STXBP6: variants seen among roughly 807,000 people sequenced by gnomAD.
STXBP6 encodes syntaxin-binding protein 6.
In STXBP6, 21 loss-of-function variants were observed where a neutral mutation model predicts 26.9. The observed-to-expected ratio is 0.78, with a 90% CI of 0.55 to 1.12. The LOEUF is 1.12. Ranked by LOEUF, STXBP6 falls within the 50% of genes most tolerant of loss-of-function variation. The pLI, the probability that STXBP6 is intolerant of heterozygous loss-of-function variation, is 0.00. For missense variants in STXBP6, 232 were observed against 257.9 expected, an observed-to-expected ratio of 0.90 and a Z score of 0.69; for synonymous variants, 97 against 92.6, an observed-to-expected ratio of 1.05 and a Z score of -0.27.
chr14:25,046,454 GGT>G (rs1467040956), intron 1 of STXBP6, among the ~76,000 whole-genome samples: 19 of 152,238 alleles, frequency 1.2e-4, no homozygotes, highest in Non-Finnish European at 2.9e-5. Flanking sequence ...TTTACTGATA[GGT>G]TTCTCTAGTG....
chr14:24,872,625 T>A (rs972515733), intron 2 of STXBP6, among the ~76,000 whole-genome samples: 2 of 152,214 alleles, frequency 1.3e-5, no homozygotes, highest in African/African-American at 4.8e-5. Context: ...CTCTCCTATA[T>A]GTCTCTGCTA....
intron 1 of STXBP6, among the ~76,000 whole-genome samples, chr14:25,029,569 T>C (rs1358409873): frequency 6.6e-6 from 1 of 152,182 alleles, no homozygotes; most frequent in East Asian, 1.9e-4. Context: ...TTTATTGTTG[T>C]TGTCTGGAAC....
chr14:24,833,082 C>A (rs1433299756), intron 4 of STXBP6, among the ~76,000 whole-genome samples: 2 of 152,202 alleles, frequency 1.3e-5, no homozygotes, highest in Non-Finnish European at 2.9e-5. Context: ...TCTTTCATAT[C>A]ATGAGAGTTT....
At chr14:24,827,925 A>T (rs981156571) in intron 4 of STXBP6, among the ~76,000 whole-genome samples, 1 of 152,212 alleles carries the variant, frequency 6.6e-6, no homozygotes, top group Non-Finnish European at 1.5e-5. Context: ...ACTATGTAGA[A>T]CATACAACAA....
intron 4 of STXBP6, among the ~76,000 whole-genome samples, chr14:24,843,634 T>G (rs2068850589): frequency 6.6e-6 from 1 of 152,206 alleles, no homozygotes; most frequent in Admixed American, 6.5e-5. Context: ...GCTTACAGTT[T>G]AAGTAATTCA....
At chr14:24,931,482 CACAACTT>C (rs1474539741) in intron 2 of STXBP6, among the ~76,000 whole-genome samples, 4 of 152,312 alleles carry the variant, frequency 2.6e-5, no homozygotes, top group African/African-American at 9.6e-5. Context: ...TGAGCTTCCA[CACAACTT>C]TCCTTGGTAG....
At chr14:24,860,437 C>G (rs757028239) in intron 2 of STXBP6, among the ~76,000 whole-genome samples, 40 of 152,126 alleles carry the variant, frequency 2.6e-4, no homozygotes, top group Non-Finnish European at 4.9e-4. Context: ...CGCCAAGATT[C>G]AGAGGCAGAT....
chr14:25,045,605 C>CTTTTT (rs397700377), intron 1 of STXBP6, among the ~76,000 whole-genome samples: 2 of 107,782 alleles, frequency 1.9e-5, no homozygotes, highest in Admixed American at 9.4e-5. Context: ...TTTTTCTTTT[C>CTTTTT]TTTTTTTTTT....
chr14:24,909,372 C>T (rs147066859), intron 2 of STXBP6, among the ~76,000 whole-genome samples: 2 of 152,206 alleles, frequency 1.3e-5, no homozygotes, highest in Non-Finnish European at 2.9e-5. Flanking sequence ...AGATATTTTC[C>T]CCTTATTTTA....
intron 1 of STXBP6, among the ~76,000 whole-genome samples, chr14:25,006,713 A>G (rs529069898): frequency 6.6e-6 from 1 of 152,318 alleles, no homozygotes; most frequent in East Asian, 1.9e-4. Flanking sequence ...TTTCCCTGAT[A>G]AGGGCAGCAA....
intron 1 of STXBP6, among the ~76,000 whole-genome samples, chr14:24,990,867 G>A (rs945373651): frequency 5.9e-5 from 9 of 151,648 alleles, no homozygotes; most frequent in African/African-American, 2.2e-4. Flanking sequence ...GAAGAGGAGG[G>A]AGAGAGAGGA....
At chr14:25,040,019 T>G (rs1413937370) in intron 1 of STXBP6, among the ~76,000 whole-genome samples, 1 of 152,182 alleles carries the variant, frequency 6.6e-6, no homozygotes, top group South Asian at 2.1e-4. Context: ...AGAATCTGTA[T>G]CTCAACAGGA....
At chr14:24,922,578 C>T (rs1297610328) in intron 2 of STXBP6, among the ~76,000 whole-genome samples, 3 of 152,004 alleles carry the variant, frequency 2.0e-5, no homozygotes, top group Non-Finnish European at 4.4e-5. Context: ...TCTAAGAAGA[C>T]ATCTCTACAA....
rs547447520 is a variant in STXBP6 at position 24,900,871 on chromosome 14, T to C, written c.155-43714A>G. Among the ~76,000 whole-genome samples, 12 of 152,288 alleles carry C rather than the reference T, an allele frequency of 7.9e-5. No homozygotes were observed. The East Asian group carries it at 1.7e-3, about 22-fold the overall frequency. On this transcript the variant is annotated intron_variant, in intron 2 of 5. Transcript: ENST00000323944. Reference sequence around the variant, plus strand: ...GGAACCAGGACTCCCAGTGGCCCAGTTGTGACTAAACATCAGAAATAAATG... The same window carrying C: ...GGAACCAGGACTCCCAGTGGCCCAGCTGTGACTAAACATCAGAAATAAATG...
intron 1 of STXBP6, among the ~76,000 whole-genome samples, chr14:25,042,773 A>T (rs890654963): frequency 6.6e-6 from 1 of 152,240 alleles, no homozygotes; most frequent in African/African-American, 2.4e-5. Flanking sequence ...CAGAACCAGC[A>T]TTCTAACAAA....
At chr14:24,934,285 C>A (rs1158902244) in intron 2 of STXBP6, among the ~76,000 whole-genome samples, 2 of 152,092 alleles carry the variant, frequency 1.3e-5, no homozygotes, top group Non-Finnish European at 2.9e-5. Flanking sequence ...AACATTAAGA[C>A]TGAATAAAAG....
At chr14:25,040,221 G>A (rs946440439) in intron 1 of STXBP6, among the ~76,000 whole-genome samples, 3 of 152,184 alleles carry the variant, frequency 2.0e-5, no homozygotes, top group African/African-American at 7.2e-5. Context: ...TTTTACACCT[G>A]TAACTTTATT....
At chr14:24,952,284 A>G (rs1355713442) in intron 2 of STXBP6, among the ~76,000 whole-genome samples, 1 of 151,238 alleles carries the variant, frequency 6.6e-6, no homozygotes, top group African/African-American at 2.4e-5. Flanking sequence ...CTTAGGGGGT[A>G]GCCATTCTTT....
chr14:24,960,683 C>T lies in STXBP6; in HGVS notation c.154+13982G>A, dbSNP rs12147915. 8.8e-3 allele frequency among the ~76,000 whole-genome samples: 1,341 copies of T among 152,286 alleles called. 5 individuals carry two copies. The highest frequency in any genetic ancestry group is 0.013 in the Non-Finnish European group (890 of 68,026). On this transcript the variant is annotated intron_variant, in intron 2 of 5. Transcript: ENST00000323944. ...CTGACAGAAGTGGAATAGGTCTGCA[C>T]ATTTGGCCTTTACAGCTGAACCCAT...
Sources: allele counts gnomAD v4.1 joint callset (sites outside exome capture counted in the v4.1 genomes callset), GRCh38; gene constraint gnomAD v4.1.1; transcripts MANE v1.5; gene names NCBI Gene and HGNC (gene_info 2026-07-23, HGNC 2026-07-21).